Variants in CAST observed in about 807,000 individuals in gnomAD.
CAST encodes the protein calpastatin.
In CAST, 76 loss-of-function variants were observed where a neutral mutation model predicts 119.6. That is an observed-to-expected ratio of 0.64 (90% CI 0.53 to 0.77). CAST has a LOEUF of 0.77. CAST is among the 30% of genes least tolerant of loss of function. The probability of loss-of-function intolerance (pLI) is 0.00; values close to 1 mark genes in which losing one functional copy is unlikely to be tolerated. For missense variants in CAST, 953 were observed against 946.5 expected (o/e 1.01, Z -0.09); for synonymous variants, 319 against 331.6 (o/e 0.96, Z 0.41).
intron 4 of CAST, among the ~76,000 whole-genome samples, chr5:96,725,596 CATT>C (rs773533884): frequency 1.4e-4 from 22 of 152,268 alleles, no homozygotes; most frequent in East Asian, 1.9e-4. Flanking sequence ...TTATGGTCAT[CATT>C]ATTATATTCA....
At chr5:96,193,093 G>A in the CAST span, among the ~76,000 whole-genome samples, 1 of 152,084 alleles carries the variant, frequency 6.6e-6, no homozygotes. Context: ...AAATTTAAGA[G>A]CTTATGGAAA....
At chr5:96,326,578 C>T in the CAST span, among the ~76,000 whole-genome samples, 1 of 151,594 alleles carries the variant, frequency 6.6e-6, no homozygotes, top group Non-Finnish European at 1.5e-5. Context: ...TGGGCCCCCT[C>T]TTTAATTTGT....
chr5:96,432,848 AG>A, the CAST span: 1 of 1,611,480 alleles, frequency 6.2e-7, no homozygotes, highest in Non-Finnish European at 8.5e-7. Context: ...GTTTCTTGAA[AG>A]TGGAAACTCT....
At chr5:96,665,745 C>CAT (rs770013821) in intron 1 of CAST, among the ~76,000 whole-genome samples, 1 of 135,112 alleles carries the variant, frequency 7.4e-6, no homozygotes, top group African/African-American at 2.6e-5. Context: ...CACACACATA[C>CAT]ACACACACAC....
the CAST span, among the ~76,000 whole-genome samples, chr5:96,404,890 C>T: frequency 6.6e-6 from 1 of 152,056 alleles, no homozygotes; most frequent in Non-Finnish European, 1.5e-5. Flanking sequence ...TATAAAGAGG[C>T]CAGCTGTGTC....
chr5:96,136,272 C>G, the CAST span, among the ~76,000 whole-genome samples: 16 of 152,184 alleles, frequency 1.1e-4, no homozygotes, highest in African/African-American at 3.9e-4. Flanking sequence ...TCCTCCTTCA[C>G]CCCACTTATT....
chr5:96,757,379 C>T, intron 22 of CAST, 65 bp from the exon 23 acceptor site: 1 of 1,413,012 alleles, frequency 7.1e-7, no homozygotes, highest in Admixed American at 1.7e-5. Context: ...GTAATGTTTA[C>T]AAGGTTTCAT....
the CAST span, among the ~76,000 whole-genome samples, chr5:96,062,310 A>G: frequency 6.6e-6 from 1 of 152,118 alleles, no homozygotes; most frequent in Non-Finnish European, 1.5e-5. Flanking sequence ...ACATAAGTGA[A>G]GTGTCAATTT....
At chr5:96,167,426 CTG>C in the CAST span, among the ~76,000 whole-genome samples, 1 of 152,256 alleles carries the variant, frequency 6.6e-6, no homozygotes, top group South Asian at 2.1e-4. Context: ...TGGGATGAGA[CTG>C]GGGCCTAATA....
At chr5:96,770,344 TC>T (rs974393332) in intron 29 of CAST, 186 bp from the exon 30 acceptor site, 5 of 549,974 alleles carry the variant, frequency 9.1e-6, no homozygotes, top group Non-Finnish European at 1.6e-5. Context: ...CTATCCTTTT[TC>T]CCTCCTGCTT....
chr5:96,548,441 A>G (rs1746057075), intron 1 of CAST, among the ~76,000 whole-genome samples: 1 of 152,116 alleles, frequency 6.6e-6, no homozygotes. Flanking sequence ...CACTGTGATC[A>G]ATTAGCTACC....
chr5:96,730,798 A>G lies in CAST; in HGVS notation c.568A>G (p.Ile190Val), dbSNP rs142144208. The G allele has an allele frequency of 5.7e-4, 914 of 1,613,828 alleles. 1 individual carries two copies. Among genetic ancestry groups the G allele is most frequent in the Non-Finnish European group, 7.3e-4 (867 of 1,179,824 alleles). Residue 190 changes from isoleucine (I) to valine (V), a missense_variant, in exon 9 of 32, where the codon ATT becomes GTT. By Grantham distance (29) the Ile-to-Val change is conservative. Coordinates refer to ENST00000675179, the MANE Select transcript of CAST (RefSeq NM_001750.7). ...GTCTTAGACTAAACCACAAGACATG[A>G]TTTCTGCTGGTGGAGAGAGTGTTGC... is the stretch of plus-strand genomic sequence containing the variant. ...TEPKTKPQDM[I>V]SAGGESVAGI...
chr5:96,215,932 C>T, the CAST span, among the ~76,000 whole-genome samples: 227 of 152,150 alleles, frequency 1.5e-3, 1 homozygote, highest in African/African-American at 5.3e-3. Flanking sequence ...CTCAGCCTCC[C>T]GTGTAGCTGG....
At chr5:96,012,632 C>T in the CAST span, among the ~76,000 whole-genome samples, 1 of 152,128 alleles carries the variant, frequency 6.6e-6, no homozygotes, top group African/African-American at 2.4e-5. Context: ...AAAAGTTACA[C>T]CTACTCTTTG....
intron 1 of CAST, among the ~76,000 whole-genome samples, chr5:96,656,811 C>T (rs1465781848): frequency 1.3e-5 from 2 of 152,050 alleles, no homozygotes; most frequent in Admixed American, 1.3e-4. Flanking sequence ...TTCCAAATGG[C>T]CCCTGGTGCA....
At chr5:96,706,190 T>A (rs1754931197) in intron 3 of CAST, among the ~76,000 whole-genome samples, 1 of 152,256 alleles carries the variant, frequency 6.6e-6, no homozygotes, top group African/African-American at 2.4e-5. Context: ...AAAATAATAT[T>A]CATTTTTATT....
the CAST span, among the ~76,000 whole-genome samples, chr5:96,175,372 A>T: frequency 6.6e-6 from 1 of 152,028 alleles, no homozygotes; most frequent in East Asian, 1.9e-4. Context: ...CACATGCATT[A>T]AAAAAAATTA....
the CAST span, among the ~76,000 whole-genome samples, chr5:96,384,871 A>G: frequency 0.29 from 43,887 of 152,142 alleles, 7,435 homozygotes; most frequent in Admixed American, 0.42. Flanking sequence ...AAGGCTATTG[A>G]GAAGTCCTAC....
the CAST span, among the ~76,000 whole-genome samples, chr5:96,447,118 C>T: frequency 6.6e-6 from 1 of 152,196 alleles, no homozygotes; most frequent in South Asian, 2.1e-4. Context: ...TGTGGCAGCA[C>T]TCTTGGATAG....
Sources: allele counts gnomAD v4.1 joint callset (sites outside exome capture counted in the v4.1 genomes callset), GRCh38; gene constraint gnomAD v4.1.1; transcripts MANE v1.5; gene names NCBI Gene and HGNC (gene_info 2026-07-23, HGNC 2026-07-21).